Variants in LRP1B observed in about 807,000 individuals in gnomAD.
LRP1B encodes LDL receptor related protein 1B, also known as low-density lipoprotein receptor-related protein 1B.
In LRP1B, 217 loss-of-function variants were observed where a neutral mutation model predicts 556.6. That is an observed-to-expected ratio of 0.39 (90% CI 0.35 to 0.44). The LOEUF is 0.44. Ranked by LOEUF, LRP1B falls within the 20% of genes least tolerant of loss-of-function variation. The probability of loss-of-function intolerance (pLI) is 1.00; values close to 1 mark genes in which losing one functional copy is unlikely to be tolerated. For synonymous variants in LRP1B, 2,047 were observed against 1,865.8 expected (o/e 1.10, Z -2.50); for missense variants, 5,053 against 5,620.8 (o/e 0.90, Z 3.23).
chr2:142,022,289 AC>A (rs144071742), intron 1 of LRP1B, among the ~76,000 whole-genome samples: 6,594 of 151,896 alleles, frequency 0.043, 167 homozygotes, highest in African/African-American at 0.06. Flanking sequence ...GTAAAAAAAA[AC>A]AACAGTGAAA....
At chr2:140,780,955 C>A (rs10928072) in intron 32 of LRP1B, among the ~76,000 whole-genome samples, 62,792 of 151,786 alleles carry the variant, frequency 0.41, 13,223 homozygotes, top group African/African-American at 0.48. Context: ...AAAATGCCAA[C>A]CTCACCCTTT....
chr2:140,619,233 C>A (rs1412799087), intron 41 of LRP1B, among the ~76,000 whole-genome samples: 3 of 151,986 alleles, frequency 2.0e-5, no homozygotes, highest in Non-Finnish European at 4.4e-5. Flanking sequence ...TCAAGCTCAT[C>A]AACAAGGAAA....
intron 35 of LRP1B, among the ~76,000 whole-genome samples, chr2:140,732,192 T>C (rs558554656): frequency 7.2e-4 from 110 of 152,224 alleles, no homozygotes; most frequent in African/African-American, 2.0e-3. Flanking sequence ...TTTTTTTTAA[T>C]GTTTCAAAGT....
chr2:141,241,037 C>A (rs1401600621), intron 5 of LRP1B, among the ~76,000 whole-genome samples: 1 of 151,984 alleles, frequency 6.6e-6, no homozygotes, highest in East Asian at 1.9e-4. Context: ...AAAACAAAAA[C>A]CAAAACCAAC....
At chr2:141,534,296 C>T (rs945816402) in intron 2 of LRP1B, among the ~76,000 whole-genome samples, 4 of 152,148 alleles carry the variant, frequency 2.6e-5, no homozygotes, top group Non-Finnish European at 4.4e-5. Flanking sequence ...GCATTAGCTA[C>T]ATTGAAAATT....
intron 35 of LRP1B, among the ~76,000 whole-genome samples, chr2:140,720,936 G>T: frequency 6.6e-6 from 1 of 152,078 alleles, no homozygotes; most frequent in East Asian, 1.9e-4. Context: ...AGAAAACAAG[G>T]AGTCTAGGGC....
intron 3 of LRP1B, among the ~76,000 whole-genome samples, chr2:141,372,270 T>A (rs1689254410): frequency 1.3e-5 from 2 of 152,288 alleles, no homozygotes; most frequent in African/African-American, 4.8e-5. Context: ...CATTGTGTTA[T>A]TGGATTCAAG....
chr2:141,772,184 C>A (rs1358851656), intron 2 of LRP1B, among the ~76,000 whole-genome samples: 3 of 152,172 alleles, frequency 2.0e-5, no homozygotes, highest in African/African-American at 7.2e-5. Flanking sequence ...TCACTCAACA[C>A]TGAATCTGCC....
chr2:141,217,891 A>G (rs533791754), intron 6 of LRP1B, among the ~76,000 whole-genome samples: 2 of 152,292 alleles, frequency 1.3e-5, no homozygotes, highest in South Asian at 4.1e-4. Flanking sequence ...AAATAAATGA[A>G]TAAATAAAAA....
chr2:140,637,736 C>T (rs1299761301), intron 41 of LRP1B, among the ~76,000 whole-genome samples: 1 of 152,148 alleles, frequency 6.6e-6, no homozygotes, highest in Non-Finnish European at 1.5e-5. Flanking sequence ...CTCCTCCACC[C>T]TATAGCTGCT....
At chr2:141,619,534 C>T (rs770976160) in intron 2 of LRP1B, among the ~76,000 whole-genome samples, 46 of 152,124 alleles carry the variant, frequency 3.0e-4, no homozygotes, top group Non-Finnish European at 4.1e-4. Context: ...CATTGTAATC[C>T]GCCTGTCTGA....
At chr2:140,428,451 C>A (rs13020872) in intron 66 of LRP1B, among the ~76,000 whole-genome samples, 14,934 of 152,166 alleles carry the variant, frequency 0.098, 890 homozygotes, top group Non-Finnish European at 0.12. Context: ...CCAAGGAATG[C>A]CCACAGCCCG....
chr2:140,488,771 T>C (rs762361385), intron 57 of LRP1B, among the ~76,000 whole-genome samples: 1 of 151,984 alleles, frequency 6.6e-6, no homozygotes, highest in African/African-American at 2.4e-5. Flanking sequence ...CTTACATCAA[T>C]ATTCACCGTA....
In LRP1B at chr2:140,840,979, T is replaced by C. The variant is rs746244678; in HGVS notation, c.5053A>G (p.Lys1685Glu). Reference protein sequence around the residue: ...INVARLDGSLKTSIIHGIDKP... With the variant: ...INVARLDGSLETSIIHGIDKP... ...TCGATTCCATGGATAATTGAGGTTT[T>C]CAAAGAGCCATCTAGCCTTGCCACA... is the stretch of plus-strand genomic sequence containing the variant. Residue 1685 changes from lysine to glutamate, a missense_variant, in exon 30 of 91, where the codon AAA becomes GAA. Physicochemically the swap from Lys to Glu is moderately conservative, Grantham distance 56 (BLOSUM62 1). This residue lies in a region of LRP1B where 3,619 missense variants were observed against 3,931.9 expected (regional missense o/e 0.92). Transcript: ENST00000389484. 1.2e-6 allele frequency: 2 copies of C among 1,613,430 alleles called. No individual in the cohort carries two copies. The highest frequency in any genetic ancestry group is 8.5e-7 in the Non-Finnish European group (1 of 1,179,698).
intron 2 of LRP1B, among the ~76,000 whole-genome samples, chr2:141,798,467 G>C (rs943704399): frequency 2.0e-5 from 3 of 151,982 alleles, no homozygotes; most frequent in Non-Finnish European, 2.9e-5. Context: ...CAGCACTTCT[G>C]GGGGGCCGAG....
At chr2:140,556,235 C>A (rs997425634) in intron 43 of LRP1B, among the ~76,000 whole-genome samples, 3 of 151,972 alleles carry the variant, frequency 2.0e-5, no homozygotes, top group Non-Finnish European at 4.4e-5. Context: ...AATTATCTAG[C>A]CTTTTTGTGA....
intron 66 of LRP1B, among the ~76,000 whole-genome samples, chr2:140,424,959 A>G (rs1685593372): frequency 6.6e-6 from 1 of 152,208 alleles, no homozygotes; most frequent in South Asian, 2.1e-4. Flanking sequence ...GAATTTAATA[A>G]CATTGCTTAT....
At chr2:141,604,800 T>C (rs1232704861) in intron 2 of LRP1B, among the ~76,000 whole-genome samples, 1 of 152,112 alleles carries the variant, frequency 6.6e-6, no homozygotes, top group Non-Finnish European at 1.5e-5. Context: ...CCTTCTCCAC[T>C]GAAAGCTGTT....
intron 10 of LRP1B, among the ~76,000 whole-genome samples, chr2:141,053,975 G>A (rs1209548777): frequency 6.6e-6 from 1 of 151,908 alleles, no homozygotes; most frequent in East Asian, 2.0e-4. Flanking sequence ...TATCCAGAAG[G>A]CCTAGAAACA....
Sources: allele counts gnomAD v4.1 joint callset (sites outside exome capture counted in the v4.1 genomes callset), GRCh38; gene constraint gnomAD v4.1.1; regional missense constraint gnomAD v4.1.1; transcripts MANE v1.5; gene names NCBI Gene and HGNC (gene_info 2026-07-23, HGNC 2026-07-21).